The following ZNF475 variants were observed in gnomAD, a reference collection of about 807,000 sequenced individuals.
The protein encoded by ZNF475 is zinc finger protein 475.
At chr5:122,179,927 A>G in the ZNF475 span, 5 of 444,130 alleles carry the variant, frequency 1.1e-5, no homozygotes, top group Non-Finnish European at 2.0e-5. Context: ...AGACATAAAG[A>G]CACTATGTCC....
the ZNF475 span, among the ~76,000 whole-genome samples, chr5:122,175,143 C>T: frequency 6.6e-6 from 1 of 152,056 alleles, no homozygotes; most frequent in Non-Finnish European, 1.5e-5. Flanking sequence ...TTTATAAAAA[C>T]TTCAATCATC....
chr5:122,180,069 TA>T, the ZNF475 span: 4 of 155,634 alleles, frequency 2.6e-5, no homozygotes, highest in South Asian at 2.1e-4. Flanking sequence ...GAATAAAACT[TA>T]AAAAAATATG....
the ZNF475 span, chr5:122,160,305 C>A: frequency 7.8e-7 from 1 of 1,283,042 alleles, no homozygotes; most frequent in Non-Finnish European, 1.0e-6. Context: ...CTCCAGAAGG[C>A]AACCCAAGGG....
chr5:122,181,603 T>C, the ZNF475 span, among the ~76,000 whole-genome samples: 1 of 152,200 alleles, frequency 6.6e-6, no homozygotes, highest in Non-Finnish European at 1.5e-5. Context: ...ATAGAAATCA[T>C]ATGAGAATTG....
chr5:122,173,323 T>C, the ZNF475 span, among the ~76,000 whole-genome samples: 1 of 152,216 alleles, frequency 6.6e-6, no homozygotes. Flanking sequence ...TATTCTAGTC[T>C]CGGTTTTCTG....
the ZNF475 span, among the ~76,000 whole-genome samples, chr5:122,170,174 A>G: frequency 6.6e-6 from 1 of 152,142 alleles, no homozygotes; most frequent in East Asian, 1.9e-4. Flanking sequence ...TATTGACAAC[A>G]CTTCTGACAC....
At chr5:122,166,261 A>T in the ZNF475 span, among the ~76,000 whole-genome samples, 1 of 152,234 alleles carries the variant, frequency 6.6e-6, no homozygotes, top group African/African-American at 2.4e-5. Context: ...TGTTTTGTGC[A>T]TATATACACA....
At chr5:122,175,148 A>G in the ZNF475 span, among the ~76,000 whole-genome samples, 1 of 152,186 alleles carries the variant, frequency 6.6e-6, no homozygotes, top group Non-Finnish European at 1.5e-5. Flanking sequence ...AAAAACTTCA[A>G]TCATCCAGGG....
chr5:122,172,363 C>G, the ZNF475 span, among the ~76,000 whole-genome samples: 7 of 152,158 alleles, frequency 4.6e-5, no homozygotes, highest in Non-Finnish European at 1.0e-4. Flanking sequence ...TGCTTCAACT[C>G]AGAACTTTCT....
chr5:122,163,610 A>T, the ZNF475 span, among the ~76,000 whole-genome samples: 1 of 152,220 alleles, frequency 6.6e-6, no homozygotes, highest in South Asian at 2.1e-4. Flanking sequence ...GTTTAATTTT[A>T]TCATGGAGAA....
the ZNF475 span, chr5:122,160,307 AC>A: frequency 7.8e-7 from 1 of 1,280,834 alleles, no homozygotes; most frequent in South Asian, 1.2e-5. Flanking sequence ...CCAGAAGGCA[AC>A]CCAAGGGAAT....
At chr5:122,173,094 A>T in the ZNF475 span, among the ~76,000 whole-genome samples, 9 of 152,204 alleles carry the variant, frequency 5.9e-5, no homozygotes, top group Non-Finnish European at 1.3e-4. Flanking sequence ...AACTGCTAGT[A>T]ATGACTTCCA....
chr5:122,176,472 T>C, the ZNF475 span, among the ~76,000 whole-genome samples: 1 of 152,180 alleles, frequency 6.6e-6, no homozygotes, highest in Non-Finnish European at 1.5e-5. Flanking sequence ...TATTTATAAG[T>C]TTTATTTGTA....
chr5:122,177,159 C>T, the ZNF475 span, among the ~76,000 whole-genome samples: 3 of 152,166 alleles, frequency 2.0e-5, no homozygotes, highest in Admixed American at 2.0e-4. Flanking sequence ...TGGAATCAAC[C>T]TTGGTGAGGA....
chr5:122,160,389 A>G, the ZNF475 span: 3 of 638,788 alleles, frequency 4.7e-6, no homozygotes, highest in Non-Finnish European at 7.4e-6. Flanking sequence ...TTTTAGAGCA[A>G]CAGCCTCATG....
chr5:122,177,008 T>C, the ZNF475 span, among the ~76,000 whole-genome samples: 1 of 152,100 alleles, frequency 6.6e-6, no homozygotes, highest in African/African-American at 2.4e-5. Flanking sequence ...AGAATTTGAG[T>C]TCAAGTAGTT....
the ZNF475 span, chr5:122,162,359 C>G: frequency 6.6e-6 from 1 of 152,188 alleles, no homozygotes; most frequent in Non-Finnish European, 1.5e-5. Context: ...AAACAACGAT[C>G]CTTCCAGATA....
the ZNF475 span, among the ~76,000 whole-genome samples, chr5:122,175,248 A>G: frequency 6.6e-6 from 1 of 152,178 alleles, no homozygotes; most frequent in Non-Finnish European, 1.5e-5. Flanking sequence ...ATCAGAAATC[A>G]TAAATGTGTT....
the ZNF475 span, among the ~76,000 whole-genome samples, chr5:122,167,102 A>G: frequency 6.6e-6 from 1 of 151,958 alleles, no homozygotes; most frequent in Non-Finnish European, 1.5e-5. Flanking sequence ...TTTTTGTATA[A>G]GGTGTAAGGA....
Sources: gnomAD v4.1 joint callset for allele counts (sites outside exome capture counted in the v4.1 genomes callset) on GRCh38, gnomAD v4.1.1 for gene constraint, MANE v1.5 for transcripts, NCBI Gene and HGNC (gene_info 2026-07-23, HGNC 2026-07-21) for gene names.